OVOL2: variants seen among roughly 807,000 people sequenced by gnomAD.
OVOL2 encodes transcription factor Ovo-like 2.
OVOL2 carries 13 observed loss-of-function variants against 18.1 expected under a neutral mutation model. The ratio of observed to expected loss-of-function variants is 0.72; its 90% CI spans 0.47 to 1.14. The LOEUF (loss-of-function observed/expected upper bound fraction) is 1.14, where lower values mean the gene tolerates loss of function less well. Ranked by LOEUF, OVOL2 falls within the 50% of genes most tolerant of loss-of-function variation. OVOL2 has a pLI of 0.00. For missense variants in OVOL2, 335 were observed against 383.0 expected (o/e 0.87, Z 1.05); for synonymous variants, 166 against 162.7 (o/e 1.02, Z -0.16).
intron 2 of OVOL2, among the ~76,000 whole-genome samples, chr20:18,051,806 C>T (rs552225887): frequency 4.5e-4 from 69 of 152,286 alleles, no homozygotes; most frequent in African/African-American, 1.6e-3. Context: ...AATCTTGGCT[C>T]ACTGCAATCT....
At chr20:18,039,631 G>GA (rs2036651580) in intron 3 of OVOL2, among the ~76,000 whole-genome samples, 1 of 134,368 alleles carries the variant, frequency 7.4e-6, no homozygotes, top group Non-Finnish European at 1.7e-5. Context: ...AAGAAAGAAA[G>GA]AAAGAAAGAA....
chr20:18,043,010 AC>A (rs1384158548), intron 2 of OVOL2, among the ~76,000 whole-genome samples: 1 of 152,160 alleles, frequency 6.6e-6, no homozygotes, highest in East Asian at 1.9e-4. Flanking sequence ...CGCAAAATGG[AC>A]TAAGACAGCA....
intron 3 of OVOL2, among the ~76,000 whole-genome samples, chr20:18,035,794 T>C (rs902560956): frequency 7.2e-5 from 11 of 152,208 alleles, no homozygotes; most frequent in Non-Finnish European, 1.5e-4. Flanking sequence ...TTCATCCCTT[T>C]AAGTGTCAAA....
chr20:18,042,362 G>A (rs1241238643), intron 2 of OVOL2, among the ~76,000 whole-genome samples: 1 of 152,218 alleles, frequency 6.6e-6, no homozygotes, highest in Non-Finnish European at 1.5e-5. Flanking sequence ...GATCCCCAGT[G>A]TTGGAGGTGG....
At chr20:18,039,587 G>C (rs1376209987) in intron 3 of OVOL2, among the ~76,000 whole-genome samples, 1 of 131,330 alleles carries the variant, frequency 7.6e-6, no homozygotes, top group African/African-American at 2.8e-5. Flanking sequence ...CAGCCTGGGT[G>C]AGAGAGCAAG....
chr20:18,052,131 C>G (rs1281975707), intron 2 of OVOL2, among the ~76,000 whole-genome samples: 1 of 152,130 alleles, frequency 6.6e-6, no homozygotes, highest in Admixed American at 6.5e-5. Flanking sequence ...TTAGAGAAAA[C>G]CTAGGGGACT....
rs1464878223 is a variant in OVOL2, at chr20:18,057,372, T to C, written c.100+163A>G. 1.3e-5 allele frequency among the ~76,000 whole-genome samples: 2 copies of C among 151,962 alleles called. No individual in the cohort carries two copies. The highest frequency in any genetic ancestry group is 4.8e-5 in the African/African-American group (2 of 41,384). On this transcript the variant is annotated intron_variant, in intron 1 of 3. Transcript: ENST00000278780. This position sits in a 1 kb window ranked among gnomAD's most constrained non-coding sequence, Gnocchi z 6.3. ...GCGCCTAGAGTCTGGGGCATCCCAG[T>C]CCCTCATTGCCTGCCCTAACCCGCC...
At chr20:18,044,281 A>C (rs1463478848) in intron 2 of OVOL2, among the ~76,000 whole-genome samples, 1 of 152,080 alleles carries the variant, frequency 6.6e-6, no homozygotes, top group Non-Finnish European at 1.5e-5. Flanking sequence ...GCTATATTCC[A>C]TCTCATTCCC....
chr20:18,051,576 C>T (rs1162871172), intron 2 of OVOL2, among the ~76,000 whole-genome samples: 1 of 152,150 alleles, frequency 6.6e-6, no homozygotes, highest in Admixed American at 6.6e-5. Flanking sequence ...GTGACATATT[C>T]TAGCTGAAAT....
chr20:18,042,414 C>G (rs1006520303), intron 2 of OVOL2, among the ~76,000 whole-genome samples: 1 of 152,064 alleles, frequency 6.6e-6, no homozygotes, highest in South Asian at 2.1e-4. Context: ...TCATGAATGG[C>G]CTGGTGCCGT....
intron 3 of OVOL2, among the ~76,000 whole-genome samples, chr20:18,037,551 GC>G (rs1184479690): frequency 2.0e-5 from 3 of 152,220 alleles, no homozygotes; most frequent in Non-Finnish European, 4.4e-5. Flanking sequence ...CAGGGCGGAT[GC>G]CCCACTCATA....
Position 18,036,865 on chromosome 20 carries a change from G to A in OVOL2, c.511+4669C>T, listed in dbSNP as rs867418644. On this transcript the variant is annotated intron_variant, in intron 3 of 3. Coordinates refer to ENST00000278780, the MANE Select transcript of OVOL2 (RefSeq NM_021220.4). ...CTAGAAACTGCAACAGGCCGGGCGC[G>A]GTGGCTCACGCCTGTAATCCCAGCA... Among the ~76,000 whole-genome samples, 49 of 152,186 alleles carry A rather than the reference G, an allele frequency of 3.2e-4. No homozygotes were observed. The Middle Eastern group carries it at 0.01, about 32-fold the overall frequency.
intron 2 of OVOL2, among the ~76,000 whole-genome samples, chr20:18,046,109 A>G (rs2036722262): frequency 6.6e-6 from 1 of 152,194 alleles, no homozygotes; most frequent in South Asian, 2.1e-4. Flanking sequence ...TTGAAAGAAG[A>G]TGTAAGGTTA....
In OVOL2 at chr20:18,035,160, G is replaced by C. The variant is rs111873480; in HGVS notation, c.511+6374C>G. Among the ~76,000 whole-genome samples the C allele has an allele frequency of 5.9e-3, 896 of 152,316 alleles. 18 individuals are homozygous for C. The highest frequency in any genetic ancestry group is 0.021 in the African/African-American group (857 of 41,568). Reference sequence around the variant, plus strand: ...ACACTCACAGCTCAATCAAAGGCAAGACCAGGCCAGGCGGGTGCAGTGGCT... The same window carrying C: ...ACACTCACAGCTCAATCAAAGGCAACACCAGGCCAGGCGGGTGCAGTGGCT... On this transcript the variant is annotated intron_variant, in intron 3 of 3. Transcript: ENST00000278780.
At chr20:18,044,738 A>T (rs1468777325) in intron 2 of OVOL2, among the ~76,000 whole-genome samples, 1 of 152,180 alleles carries the variant, frequency 6.6e-6, no homozygotes, top group Non-Finnish European at 1.5e-5. Flanking sequence ...CACCTACCCC[A>T]GACCTACAGC....
chr20:18,044,455 C>A (rs191790196), intron 2 of OVOL2, among the ~76,000 whole-genome samples: 1 of 152,294 alleles, frequency 6.6e-6, no homozygotes, highest in East Asian at 1.9e-4. Context: ...GAGCAGGTGG[C>A]AGGATGCAGA....
At chr20:18,034,253 C>T (rs958505786) in intron 3 of OVOL2, among the ~76,000 whole-genome samples, 2 of 152,132 alleles carry the variant, frequency 1.3e-5, no homozygotes, top group African/African-American at 4.8e-5. Flanking sequence ...TCCCTGACCT[C>T]GCCCAGGGCA....
At chr20:18,032,172 A>G (rs1185978079) in intron 3 of OVOL2, among the ~76,000 whole-genome samples, 1 of 151,990 alleles carries the variant, frequency 6.6e-6, no homozygotes, top group East Asian at 1.9e-4. Flanking sequence ...AGATATACTC[A>G]TGGTAGGATT....
rs777939623 is a variant in OVOL2, at chr20:18,029,301, T to C, written c.512-4349A>G. ...GCCTCGGCCTCCCAAAGTGCTGGGA[T>C]TACAGGCATGAGCCACCACGCCCGG... is the stretch of plus-strand genomic sequence containing the variant. On this transcript the variant is annotated intron_variant, in intron 3 of 3. Coordinates refer to ENST00000278780, the MANE Select transcript of OVOL2 (RefSeq NM_021220.4). 2.6e-5 allele frequency among the ~76,000 whole-genome samples: 4 copies of C among 152,222 alleles called. No homozygotes were observed. The South Asian group carries it at 8.3e-4, about 32-fold the overall frequency.
Sources: gnomAD v4.1 joint callset for allele counts (sites outside exome capture counted in the v4.1 genomes callset) on GRCh38, gnomAD v4.1.1 for gene constraint, Gnocchi (gnomAD v3.1) non-coding constraint, MANE v1.5 for transcripts, NCBI Gene and HGNC (gene_info 2026-07-23, HGNC 2026-07-21) for gene names.